Variants in CNBD1 observed in about 807,000 individuals in gnomAD.
CNBD1 encodes the protein cyclic nucleotide binding domain containing 1.
Under a neutral mutation model 54.4 loss-of-function variants are expected in CNBD1, and 71 were observed. That is an observed-to-expected ratio of 1.30 (90% CI 1.08 to 1.59). CNBD1 has a LOEUF of 1.59. CNBD1 is among the 40% of genes most tolerant of loss of function. CNBD1 has a pLI of 0.00. For missense variants in CNBD1, 659 were observed against 518.0 expected, an observed-to-expected ratio of 1.27 and a Z score of -2.64; for synonymous variants, 182 against 170.7, an observed-to-expected ratio of 1.07 and a Z score of -0.51.
chr8:86,904,796 T>C (rs949371914), intron 2 of CNBD1, among the ~76,000 whole-genome samples: 2 of 152,098 alleles, frequency 1.3e-5, no homozygotes, highest in African/African-American at 4.8e-5. Context: ...TATATAAAAC[T>C]TTAATCAATT....
intron 2 of CNBD1, among the ~76,000 whole-genome samples, chr8:87,414,385 G>C (rs2130987716): frequency 6.6e-6 from 1 of 152,200 alleles, no homozygotes; most frequent in Non-Finnish European, 1.5e-5. Flanking sequence ...GGTGGGGAGA[G>C]GTGGGAGGGA....
At chr8:87,365,180 A>G (rs1810618134) in intron 10 of CNBD1, among the ~76,000 whole-genome samples, 1 of 152,040 alleles carries the variant, frequency 6.6e-6, no homozygotes, top group South Asian at 2.1e-4. Context: ...TTAGTAATTC[A>G]GTCAAAATGG....
intron 7 of CNBD1, 32 bp from the exon 8 acceptor site, chr8:87,286,507 A>C: frequency 1.6e-6 from 2 of 1,248,762 alleles, no homozygotes; most frequent in Non-Finnish European, 2.3e-6. Flanking sequence ...ATTGCCTGTT[A>C]TTAAAAATTT....
At chr8:87,051,242 C>A (rs1563450044) in intron 4 of CNBD1, among the ~76,000 whole-genome samples, 2 of 152,100 alleles carry the variant, frequency 1.3e-5, no homozygotes, top group Non-Finnish European at 2.9e-5. Context: ...GGAGGGAATG[C>A]CTGGATTGGA....
In CNBD1 at chr8:87,182,197, A is replaced by G. The variant is rs1046955443; in HGVS notation, c.432-23796A>G. Among the ~76,000 whole-genome samples, 2 of 152,080 alleles carry G rather than the reference A, an allele frequency of 1.3e-5. No homozygotes were observed. The highest frequency in any genetic ancestry group is 2.4e-5 in the African/African-American group (1 of 41,418). ...TCACTTAGGATAATGGCCTTCACCT[A>G]TATCCATGTTACTGCAAAGGACATG... On this transcript the variant is annotated intron_variant, in intron 4 of 10. Coordinates refer to ENST00000518476, the MANE Select transcript of CNBD1 (RefSeq NM_173538.3). This position sits in a 1 kb window ranked among gnomAD's most constrained non-coding sequence, Gnocchi z 4.1.
intron 5 of CNBD1, among the ~76,000 whole-genome samples, chr8:87,219,674 C>T (rs1189921615): frequency 2.6e-5 from 4 of 151,944 alleles, no homozygotes; most frequent in Non-Finnish European, 5.9e-5. Flanking sequence ...TCATGAACAA[C>T]TGAAATTCGT....
intron 8 of CNBD1, among the ~76,000 whole-genome samples, chr8:87,308,806 T>C (rs766667429): frequency 6.6e-6 from 1 of 152,162 alleles, no homozygotes; most frequent in Non-Finnish European, 1.5e-5. Context: ...GAGATCCACC[T>C]TTTTAGCTCC....
intron 4 of CNBD1, among the ~76,000 whole-genome samples, chr8:87,011,152 TA>T (rs1213162501): frequency 6.6e-6 from 1 of 151,222 alleles, no homozygotes; most frequent in Non-Finnish European, 1.5e-5. Flanking sequence ...GTTTTCAGTT[TA>T]AAAAAATGGA....
chr8:87,078,339 AT>A (rs1192884396), intron 4 of CNBD1, among the ~76,000 whole-genome samples: 1 of 152,230 alleles, frequency 6.6e-6, no homozygotes, highest in Non-Finnish European at 1.5e-5. Context: ...TAATAAAATA[AT>A]GTTAATGTCA....
chr8:87,341,059 C>G (rs1185129582), intron 8 of CNBD1, among the ~76,000 whole-genome samples: 2 of 152,088 alleles, frequency 1.3e-5, no homozygotes, highest in Non-Finnish European at 2.9e-5. Context: ...ATCACTTAGC[C>G]TGGCAAGAGA....
intron 2 of CNBD1, among the ~76,000 whole-genome samples, chr8:87,413,088 A>G (rs1807776028): frequency 6.6e-6 from 1 of 151,934 alleles, no homozygotes; most frequent in Non-Finnish European, 1.5e-5. Context: ...GGGGCTCTCA[A>G]TTGTACCTAG....
intron 4 of CNBD1, among the ~76,000 whole-genome samples, chr8:87,034,356 G>C (rs1410779883): frequency 6.6e-6 from 1 of 152,180 alleles, no homozygotes; most frequent in Non-Finnish European, 1.5e-5. Flanking sequence ...GCAGCCTACT[G>C]GAGAGAACTG....
intron 3 of CNBD1, among the ~76,000 whole-genome samples, chr8:86,921,698 C>A (rs1429054672): frequency 6.6e-6 from 1 of 152,176 alleles, no homozygotes; most frequent in African/African-American, 2.4e-5. Context: ...GAAACTACCT[C>A]CATGATTCAA....
chr8:87,420,548 A>T (rs1302646989), intron 2 of CNBD1, among the ~76,000 whole-genome samples: 1 of 152,132 alleles, frequency 6.6e-6, no homozygotes, highest in Non-Finnish European at 1.5e-5. Flanking sequence ...CGGAGATGAC[A>T]TCTTCCCACT....
chr8:87,200,842 A>C (rs1813844354), intron 4 of CNBD1, among the ~76,000 whole-genome samples: 1 of 152,146 alleles, frequency 6.6e-6, no homozygotes, highest in Admixed American at 6.5e-5. Context: ...GGAACTAAAA[A>C]CAATTCTTCA....
chr8:86,902,140 C>G (rs1808948271), intron 2 of CNBD1, among the ~76,000 whole-genome samples: 1 of 151,978 alleles, frequency 6.6e-6, no homozygotes. Flanking sequence ...TTATATCTAC[C>G]TTAAAGTCTT....
intron 5 of CNBD1, among the ~76,000 whole-genome samples, chr8:87,232,435 G>C (rs1295296784): frequency 6.6e-6 from 1 of 152,046 alleles, no homozygotes; most frequent in Non-Finnish European, 1.5e-5. Flanking sequence ...GCCAATATTT[G>C]ATTCTTTCAG....
chr8:87,036,594 T>TA (rs58299323), intron 4 of CNBD1, among the ~76,000 whole-genome samples: 13,502 of 64,672 alleles, frequency 0.21, 2,049 homozygotes, highest in South Asian at 0.31. Flanking sequence ...ACTGCATCTC[T>TA]AAAAAAAAAA....
rs918084472 is a variant in CNBD1, at chr8:87,287,007, A to T, written c.1042+336A>T. 4.6e-5 allele frequency among the ~76,000 whole-genome samples: 7 copies of T among 152,134 alleles called. 1 individual carries two copies. The highest frequency in any genetic ancestry group is 4.6e-4 in the Admixed American group (7 of 15,258). ...GAGGGTATAGCCACTCACACAGGAG[A>T]AAAGGAAAAAAACCATTTTTTTCTT... On this transcript the variant is annotated intron_variant, in intron 8 of 10. Transcript: ENST00000518476.
Sources: allele counts gnomAD v4.1 joint callset (sites outside exome capture counted in the v4.1 genomes callset), GRCh38; gene constraint gnomAD v4.1.1; non-coding constraint Gnocchi (gnomAD v3.1); transcripts MANE v1.5; gene names NCBI Gene and HGNC (gene_info 2026-07-23, HGNC 2026-07-21).